NELL1: variants seen among roughly 807,000 people sequenced by gnomAD.
NELL1 encodes the protein neural EGFL like 1.
A neutral mutation model predicts 107.4 loss-of-function variants in NELL1; 76 were observed. That is an observed-to-expected ratio of 0.71 (90% CI 0.59 to 0.86). NELL1 has a LOEUF of 0.86. Among genes scored for constraint, NELL1 ranks in the 40% least tolerant of loss-of-function variants. The pLI, the probability that NELL1 is intolerant of heterozygous loss-of-function variation, is 0.00. For synonymous variants in NELL1, 353 were observed against 341.2 expected (o/e 1.03, Z -0.38); for missense variants, 1,024 against 1,005.5 (o/e 1.02, Z -0.25).
At chr11:21,377,244 T>A (rs965224711) in intron 15 of NELL1, among the ~76,000 whole-genome samples, 1 of 152,124 alleles carries the variant, frequency 6.6e-6, no homozygotes, top group Non-Finnish European at 1.5e-5. Context: ...GTTGAGAGTT[T>A]TCATCATGAA....
intron 14 of NELL1, among the ~76,000 whole-genome samples, chr11:21,308,759 T>C (rs1849663225): frequency 6.6e-6 from 1 of 152,082 alleles, no homozygotes; most frequent in Non-Finnish European, 1.5e-5. Flanking sequence ...TATCTTGTGA[T>C]AGGATCATAA....
chr11:20,842,733 A>G (rs1354094361), intron 3 of NELL1, among the ~76,000 whole-genome samples: 2 of 152,186 alleles, frequency 1.3e-5, no homozygotes, highest in Non-Finnish European at 2.9e-5. Context: ...GGTAATTTTT[A>G]AGGTTGTTAC....
At chr11:21,106,013 C>A (rs1441424937) in intron 12 of NELL1, among the ~76,000 whole-genome samples, 5 of 144,258 alleles carry the variant, frequency 3.5e-5, no homozygotes, top group African/African-American at 1.3e-4. Context: ...CCTCTTGGCT[C>A]ACTAATGCTC....
At chr11:21,478,874 G>T (rs1854418201) in intron 15 of NELL1, among the ~76,000 whole-genome samples, 1 of 148,518 alleles carries the variant, frequency 6.7e-6, no homozygotes, top group South Asian at 2.1e-4. Flanking sequence ...ATTTAAAAAT[G>T]GCCAAAAGAT....
chr11:20,696,764 C>G (rs1193776499), intron 2 of NELL1, among the ~76,000 whole-genome samples: 1 of 152,036 alleles, frequency 6.6e-6, no homozygotes, highest in Non-Finnish European at 1.5e-5. Context: ...GAAGTTTAAG[C>G]AAAGAATAAT....
intron 15 of NELL1, among the ~76,000 whole-genome samples, chr11:21,472,159 GTTT>G (rs1337417380): frequency 6.6e-6 from 1 of 151,066 alleles, no homozygotes; most frequent in Non-Finnish European, 1.5e-5. Flanking sequence ...TGTTTTGTTT[GTTT>G]GTTTGTTTGT....
intron 14 of NELL1, among the ~76,000 whole-genome samples, chr11:21,328,220 A>G (rs951803321): frequency 4.6e-5 from 7 of 152,096 alleles, no homozygotes; most frequent in East Asian, 1.9e-4. Flanking sequence ...TCACTGCTCT[A>G]TGCAGCTTGG....
At chr11:20,902,501 T>G (rs1465775262) in intron 5 of NELL1, among the ~76,000 whole-genome samples, 1 of 152,072 alleles carries the variant, frequency 6.6e-6, no homozygotes, top group Non-Finnish European at 1.5e-5. Flanking sequence ...CATTGAGCAA[T>G]GGATTCTTAC....
intron 14 of NELL1, among the ~76,000 whole-genome samples, chr11:21,308,970 T>C (rs1271087261): frequency 1.3e-5 from 2 of 151,738 alleles, no homozygotes; most frequent in Admixed American, 1.3e-4. Context: ...AGTTCCTGGG[T>C]GGTGTTAACT....
intron 12 of NELL1, among the ~76,000 whole-genome samples, chr11:20,978,527 A>T (rs1458903786): frequency 6.6e-6 from 1 of 152,136 alleles, no homozygotes; most frequent in Non-Finnish European, 1.5e-5. Flanking sequence ...ATGGGTCCTG[A>T]GGGAACATAA....
intron 2 of NELL1, among the ~76,000 whole-genome samples, chr11:20,687,816 C>G (rs750810088): frequency 6.6e-6 from 1 of 152,078 alleles, no homozygotes; most frequent in Non-Finnish European, 1.5e-5. Flanking sequence ...TGGTCTCGAA[C>G]TCCTGACCTC....
intron 15 of NELL1, among the ~76,000 whole-genome samples, chr11:21,477,344 A>G (rs577395159): frequency 2.8e-4 from 42 of 152,298 alleles, no homozygotes; most frequent in Non-Finnish European, 2.6e-4. Context: ...AGAGAGAGAG[A>G]GAGACTCAAT....
chr11:21,541,913 T>C (rs1197730358), intron 16 of NELL1, among the ~76,000 whole-genome samples: 1 of 152,088 alleles, frequency 6.6e-6, no homozygotes, highest in Non-Finnish European at 1.5e-5. Flanking sequence ...TAATAAGAGA[T>C]AACATTTATT....
intron 5 of NELL1, among the ~76,000 whole-genome samples, chr11:20,894,189 T>C (rs964553609): frequency 1.3e-5 from 2 of 152,218 alleles, no homozygotes; most frequent in Non-Finnish European, 2.9e-5. Flanking sequence ...AAAGATAATG[T>C]AGGAGAATAC....
chr11:21,489,393 A>AAAAAAAAAAAAAAAAAAAAAAAAAAAAG (rs1854736317), intron 15 of NELL1, among the ~76,000 whole-genome samples: 1 of 143,990 alleles, frequency 6.9e-6, no homozygotes, highest in Non-Finnish European at 1.5e-5. Flanking sequence ...AAAAAAAAAA[A>AAAAAAAAAAAAAAAAAAAAAAAAAAAAG]AAAAAAAAAA....
At chr11:21,277,987 A>G (rs540542147) in intron 14 of NELL1, among the ~76,000 whole-genome samples, 1 of 152,182 alleles carries the variant, frequency 6.6e-6, no homozygotes, top group African/African-American at 2.4e-5. Flanking sequence ...AACATGGCAC[A>G]TGTATGCATA....
chr11:20,862,709 A>G (rs1487678103), intron 4 of NELL1, among the ~76,000 whole-genome samples: 1 of 151,488 alleles, frequency 6.6e-6, no homozygotes, highest in Admixed American at 6.6e-5. Context: ...GCAGATAAAC[A>G]AGTGAACAAA....
At chr11:20,899,527 A>G (rs563398153) in intron 5 of NELL1, among the ~76,000 whole-genome samples, 25 of 152,288 alleles carry the variant, frequency 1.6e-4, no homozygotes, top group African/African-American at 5.1e-4. Context: ...AAAGGTAGAT[A>G]TTTAATGAGT....
chr11:21,151,612 T>C (rs1156840061), intron 13 of NELL1, among the ~76,000 whole-genome samples: 1 of 152,212 alleles, frequency 6.6e-6, no homozygotes, highest in African/African-American at 2.4e-5. Context: ...CATTAGTGTT[T>C]CTGCCTCATG....
Sources: gnomAD v4.1 joint callset for allele counts (sites outside exome capture counted in the v4.1 genomes callset) on GRCh38, gnomAD v4.1.1 for gene constraint, MANE v1.5 for transcripts, NCBI Gene and HGNC (gene_info 2026-07-23, HGNC 2026-07-21) for gene names.